The following NCAM1 variants were observed in gnomAD, a reference collection of about 807,000 sequenced individuals.
The protein encoded by NCAM1 is antigen recognized by monoclonal antibody 5.1H11.
A neutral mutation model predicts 109.8 loss-of-function variants in NCAM1; 14 were observed. That is an observed-to-expected ratio of 0.13 (90% confidence interval 0.08 to 0.20). NCAM1 has a LOEUF of 0.20. Among genes scored for constraint, NCAM1 ranks in the 10% least tolerant of loss-of-function variants. The pLI is 1.00. For synonymous variants in NCAM1, 418 were observed against 442.9 expected, an observed-to-expected ratio of 0.94 and a Z score of 0.70; for missense variants, 774 against 1,109.9, an observed-to-expected ratio of 0.70 and a Z score of 4.30.
rs1204887012 is a variant in NCAM1 at position 113,011,933 on chromosome 11, C to T, written c.52+50269C>T. On this transcript the variant is annotated intron_variant, in intron 1 of 19. Transcript: ENST00000316851. ...AAAAATTTCTTTTCTTTCCTTCTTT[C>T]CTTCTCTCCTTCTCTCCTCTCCTTC... Among the ~76,000 whole-genome samples the T allele has an allele frequency of 2.0e-5, 3 of 151,246 alleles. No homozygotes were observed. The South Asian group carries it at 6.3e-4, about 32-fold the overall frequency.
chr11:113,105,220 A>G (rs1940101711), intron 1 of NCAM1, among the ~76,000 whole-genome samples: 1 of 152,330 alleles, frequency 6.6e-6, no homozygotes, highest in South Asian at 2.1e-4. Flanking sequence ...CCCCAGTAGC[A>G]GATGGAGGAA....
intron 1 of NCAM1, among the ~76,000 whole-genome samples, chr11:113,002,489 A>G (rs1457831285): frequency 6.6e-6 from 1 of 152,204 alleles, no homozygotes; most frequent in Non-Finnish European, 1.5e-5. Flanking sequence ...TTTTTACAAA[A>G]TGAATGTGGG....
chr11:113,104,393 A>G (rs12286388), intron 1 of NCAM1, among the ~76,000 whole-genome samples: 10,873 of 151,820 alleles, frequency 0.072, 752 homozygotes, highest in Admixed American at 0.17. Flanking sequence ...AGAAATTTAG[A>G]TGCAATAATT....
intron 1 of NCAM1, among the ~76,000 whole-genome samples, chr11:113,146,301 G>A (rs530814217): frequency 1.3e-5 from 2 of 152,188 alleles, no homozygotes; most frequent in Admixed American, 6.5e-5. Context: ...AATACAATGA[G>A]CAGAATGGGT....
intron 1 of NCAM1, among the ~76,000 whole-genome samples, chr11:113,092,266 G>T (rs1022350293): frequency 1.3e-5 from 2 of 152,056 alleles, no homozygotes; most frequent in East Asian, 3.9e-4. Flanking sequence ...TTACATATGA[G>T]CAAATTGAGG....
intron 1 of NCAM1, among the ~76,000 whole-genome samples, chr11:113,143,209 T>C (rs1347948460): frequency 6.6e-6 from 1 of 152,248 alleles, no homozygotes; most frequent in Admixed American, 6.5e-5. Context: ...TAGGATTCAA[T>C]TAGGTTTCAT....
intron 1 of NCAM1, among the ~76,000 whole-genome samples, chr11:113,152,838 A>G (rs1942270445): frequency 6.6e-6 from 1 of 152,176 alleles, no homozygotes; most frequent in Admixed American, 6.5e-5. Flanking sequence ...TGCTGTATTA[A>G]GAGCATTTAC....
intron 1 of NCAM1, among the ~76,000 whole-genome samples, chr11:113,128,929 G>A (rs1403098359): frequency 1.3e-5 from 2 of 151,724 alleles, no homozygotes; most frequent in Non-Finnish European, 2.9e-5. Flanking sequence ...GTGTGTGTGT[G>A]TGTGTGTGTG....
rs534818390 is a variant in NCAM1, at chr11:113,225,883, G to A, written c.1089+4558G>A. Among the ~76,000 whole-genome samples, 9 of 152,292 alleles carry A rather than the reference G, an allele frequency of 5.9e-5. No homozygotes were observed. The South Asian group carries it at 1.2e-3, about 21-fold the overall frequency. Reference sequence around the variant, plus strand: ...AATCCTTTACAGACAAGCAAATGCTGAGAGATTTTGTCACCACCAGGCCTG... The same window carrying A: ...AATCCTTTACAGACAAGCAAATGCTAAGAGATTTTGTCACCACCAGGCCTG... On this transcript the variant is annotated intron_variant, in intron 9 of 19. Coordinates refer to ENST00000316851, the MANE Select transcript of NCAM1 (RefSeq NM_181351.5).
intron 1 of NCAM1, among the ~76,000 whole-genome samples, chr11:112,982,293 G>A (rs188669291): frequency 1.5e-3 from 223 of 151,990 alleles, no homozygotes; most frequent in Middle Eastern, 0.014. Flanking sequence ...TCTAAAAAAG[G>A]AATAGATATA....
chr11:113,058,521 C>T (rs1953797132), intron 1 of NCAM1, among the ~76,000 whole-genome samples: 1 of 152,152 alleles, frequency 6.6e-6, no homozygotes, highest in Admixed American at 6.5e-5. Flanking sequence ...TGACTTCTCC[C>T]TGCATGCCTG....
intron 1 of NCAM1, among the ~76,000 whole-genome samples, chr11:113,035,784 C>T (rs945219774): frequency 6.6e-6 from 1 of 151,474 alleles, no homozygotes; most frequent in African/African-American, 2.4e-5. Flanking sequence ...TTACTGTGAT[C>T]TCCTCTTTAG....
intron 1 of NCAM1, among the ~76,000 whole-genome samples, chr11:113,182,176 C>T (rs2136597559): frequency 6.6e-6 from 1 of 152,282 alleles, no homozygotes. Flanking sequence ...AGCTTTTTGA[C>T]TGTACCCCAA....
At chr11:113,207,418 A>T (rs551838234) in intron 6 of NCAM1, 40 bp downstream of exon 6, 14 of 1,514,348 alleles carry the variant, frequency 9.2e-6, no homozygotes, top group Non-Finnish European at 1.2e-5. Context: ...GGACTAGAGG[A>T]GAATGGGGCA....
rs368745904 is a variant in NCAM1 at position 113,040,107 on chromosome 11, A to G, written c.52+78443A>G. 9.9e-5 allele frequency among the ~76,000 whole-genome samples: 15 copies of G among 152,284 alleles called. No individual in the cohort carries two copies. In the East Asian group the frequency reaches 2.7e-3, roughly 27 times the overall value. On this transcript the variant is annotated intron_variant, in intron 1 of 19. Coordinates refer to ENST00000316851, the MANE Select transcript of NCAM1 (RefSeq NM_181351.5). Reference sequence around the variant, plus strand: ...CAGTGAGCCGAGATCGCGTCACTGCACTCCAGCCTGGGCTACAGGTGAGAC... The same window carrying G: ...CAGTGAGCCGAGATCGCGTCACTGCGCTCCAGCCTGGGCTACAGGTGAGAC...
At chr11:113,217,262 T>C (rs1555114509) in intron 8 of NCAM1, among the ~76,000 whole-genome samples, 1 of 152,162 alleles carries the variant, frequency 6.6e-6, no homozygotes, top group Non-Finnish European at 1.5e-5. Context: ...GCAGGGGAGT[T>C]GGCCAATGCT....
intron 1 of NCAM1, among the ~76,000 whole-genome samples, chr11:113,075,669 G>C (rs1383287789): frequency 1.3e-5 from 2 of 152,154 alleles, no homozygotes; most frequent in African/African-American, 4.8e-5. Context: ...AGGAAGCCAG[G>C]ATTGAAGGAA....
At chr11:113,181,242 C>T (rs575821334) in intron 1 of NCAM1, among the ~76,000 whole-genome samples, 3 of 152,182 alleles carry the variant, frequency 2.0e-5, no homozygotes, top group Non-Finnish European at 2.9e-5. Context: ...CGGGCCCTGC[C>T]AGCCCTGTGG....
intron 7 of NCAM1, among the ~76,000 whole-genome samples, chr11:113,212,499 G>A (rs879955987): frequency 7.9e-5 from 12 of 152,216 alleles, no homozygotes; most frequent in East Asian, 3.9e-4. Context: ...ACAAAGTACC[G>A]CAGGTCAGGA....
Sources: gnomAD v4.1 joint callset for allele counts (sites outside exome capture counted in the v4.1 genomes callset) on GRCh38, gnomAD v4.1.1 for gene constraint, MANE v1.5 for transcripts, NCBI Gene and HGNC (gene_info 2026-07-23, HGNC 2026-07-21) for gene names.